Variants in ROBO2 observed in about 807,000 individuals in gnomAD.
The protein encoded by ROBO2 is roundabout homolog 2.
Under a neutral mutation model 160.8 loss-of-function variants are expected in ROBO2, and 53 were observed. That is an observed-to-expected ratio of 0.33 (90% confidence interval 0.26 to 0.41). The LOEUF is 0.41. ROBO2 is among the 10% of genes least tolerant of loss of function. ROBO2 has a pLI of 1.00. For missense variants in ROBO2, 1,577 were observed against 1,722.4 expected, an observed-to-expected ratio of 0.92 and a Z score of 1.49; for synonymous variants, 664 against 611.7, an observed-to-expected ratio of 1.09 and a Z score of -1.26.
chr3:76,408,832 T>A (rs1418415768), intron 2 of ROBO2, among the ~76,000 whole-genome samples: 1 of 152,052 alleles, frequency 6.6e-6, no homozygotes, highest in Non-Finnish European at 1.5e-5. Flanking sequence ...TATCAAAATG[T>A]TGATAATTTG....
chr3:77,002,413 T>G (rs527439445), intron 2 of ROBO2, among the ~76,000 whole-genome samples: 1 of 141,974 alleles, frequency 7.0e-6, no homozygotes, highest in Admixed American at 7.4e-5. Context: ...TATTTTGTAT[T>G]AAAATATTCT....
intron 2 of ROBO2, among the ~76,000 whole-genome samples, chr3:76,893,078 C>T (rs1009700642): frequency 2.0e-5 from 3 of 152,088 alleles, no homozygotes; most frequent in African/African-American, 7.2e-5. Context: ...ATCCCATAGC[C>T]TAGAATAATT....
chr3:77,644,322 T>C (rs1001097817), intron 24 of ROBO2, among the ~76,000 whole-genome samples: 7 of 152,184 alleles, frequency 4.6e-5, no homozygotes, highest in Non-Finnish European at 1.0e-4. Context: ...AAAAAACATG[T>C]TTCTTTAATC....
chr3:76,503,433 A>G (rs903673385), intron 2 of ROBO2, among the ~76,000 whole-genome samples: 2 of 152,178 alleles, frequency 1.3e-5, no homozygotes, highest in African/African-American at 4.8e-5. Context: ...TCACAAGTCC[A>G]TATGATCTCA....
intron 2 of ROBO2, among the ~76,000 whole-genome samples, chr3:76,505,831 C>A (rs1191580509): frequency 1.3e-5 from 2 of 152,140 alleles, no homozygotes; most frequent in African/African-American, 4.8e-5. Flanking sequence ...TACTGTCCCC[C>A]AGGAAACTAA....
At chr3:75,970,457 G>T (rs534713221) in intron 2 of ROBO2, among the ~76,000 whole-genome samples, 1 of 151,506 alleles carries the variant, frequency 6.6e-6, no homozygotes, top group Non-Finnish European at 1.5e-5. Context: ...TTTCAGTGAT[G>T]AAGAAGACAT....
At chr3:76,274,222 A>G (rs1576214848) in intron 2 of ROBO2, among the ~76,000 whole-genome samples, 1 of 152,188 alleles carries the variant, frequency 6.6e-6, no homozygotes, top group African/African-American at 2.4e-5. Context: ...ACATACAACC[A>G]AATCAGTATT....
intron 2 of ROBO2, among the ~76,000 whole-genome samples, chr3:77,102,654 T>C (rs2072133842): frequency 1.3e-5 from 2 of 152,302 alleles, no homozygotes; most frequent in African/African-American, 4.8e-5. Context: ...GGAATGTTAT[T>C]GATAACCATC....
At chr3:76,135,920 C>T (rs184718382) in intron 2 of ROBO2, among the ~76,000 whole-genome samples, 161 of 151,496 alleles carry the variant, frequency 1.1e-3, no homozygotes, top group African/African-American at 3.8e-3. Context: ...ACTTGCATTA[C>T]ACTTACAAAT....
At chr3:77,639,761 T>G (rs2095320103) in intron 24 of ROBO2, among the ~76,000 whole-genome samples, 1 of 152,166 alleles carries the variant, frequency 6.6e-6, no homozygotes, top group South Asian at 2.1e-4. Context: ...TGTATATGTG[T>G]GCATGCATGT....
chr3:76,492,364 T>C (rs2079878148), intron 2 of ROBO2, among the ~76,000 whole-genome samples: 1 of 152,166 alleles, frequency 6.6e-6, no homozygotes, highest in African/African-American at 2.4e-5. Context: ...CCTGTTTATG[T>C]GTTCGCTCCT....
intron 2 of ROBO2, among the ~76,000 whole-genome samples, chr3:76,677,033 A>G (rs1236138545): frequency 6.6e-6 from 1 of 152,194 alleles, no homozygotes; most frequent in Non-Finnish European, 1.5e-5. Context: ...AATGTTGAAA[A>G]GAAAATTTAA....
intron 24 of ROBO2, among the ~76,000 whole-genome samples, chr3:77,644,005 G>C (rs113834015): frequency 2.0e-5 from 3 of 152,052 alleles, no homozygotes; most frequent in African/African-American, 7.2e-5. Context: ...AGACAGAGGG[G>C]ATGGGGTGTG....
intron 2 of ROBO2, among the ~76,000 whole-genome samples, chr3:76,367,279 T>C (rs1016308198): frequency 4.6e-5 from 7 of 152,032 alleles, no homozygotes; most frequent in African/African-American, 4.8e-5. Flanking sequence ...CCCCTCTCTA[T>C]TGAGAGATGT....
At chr3:76,324,207 G>A (rs1160976251) in intron 2 of ROBO2, among the ~76,000 whole-genome samples, 3 of 152,040 alleles carry the variant, frequency 2.0e-5, no homozygotes, top group South Asian at 2.1e-4. Context: ...GTACTTTGAC[G>A]TGCCAAAAGT....
chr3:76,143,976 G>A (rs1048938388), intron 2 of ROBO2, among the ~76,000 whole-genome samples: 9 of 151,554 alleles, frequency 5.9e-5, no homozygotes, highest in African/African-American at 2.2e-4. Context: ...TTCTATTCAG[G>A]CCTTTAACTG....
chr3:77,367,200 T>C (rs2071029210), intron 2 of ROBO2, among the ~76,000 whole-genome samples: 1 of 152,166 alleles, frequency 6.6e-6, no homozygotes, highest in Non-Finnish European at 1.5e-5. Flanking sequence ...ATCATATTTT[T>C]ATGTGAATAT....
chr3:76,595,533 A>G (rs2086681931), intron 2 of ROBO2, among the ~76,000 whole-genome samples: 1 of 152,074 alleles, frequency 6.6e-6, no homozygotes, highest in African/African-American at 2.4e-5. Context: ...ATGCAAAAAA[A>G]GCATAAAATT....
intron 2 of ROBO2, among the ~76,000 whole-genome samples, chr3:76,356,968 G>C (rs2075209020): frequency 6.6e-6 from 1 of 151,568 alleles, no homozygotes; most frequent in Admixed American, 6.6e-5. Flanking sequence ...TTTATTTTTA[G>C]TTTAAAATAG....
Sources: allele counts gnomAD v4.1 joint callset (sites outside exome capture counted in the v4.1 genomes callset), GRCh38; gene constraint gnomAD v4.1.1; transcripts MANE v1.5; gene names NCBI Gene and HGNC (gene_info 2026-07-23, HGNC 2026-07-21).